The following TMC1 variants were observed in gnomAD, a reference collection of about 807,000 sequenced individuals.
The protein encoded by TMC1 is transmembrane channel like 1, also known as transmembrane channel-like protein 1.
TMC1 carries 84 observed loss-of-function variants against 105.8 expected under a neutral mutation model. The observed-to-expected ratio is 0.79, with a 90% CI of 0.67 to 0.95. The LOEUF (loss-of-function observed/expected upper bound fraction) is 0.95. Ranked by LOEUF, TMC1 falls within the 40% of genes least tolerant of loss-of-function variation. TMC1 has a pLI of 0.00. For missense variants in TMC1, 817 were observed against 914.1 expected (o/e 0.89, Z 1.37); for synonymous variants, 315 against 311.5 (o/e 1.01, Z -0.12).
chr9:72,609,494 C>G (rs370064605), intron 2 of TMC1, among the ~76,000 whole-genome samples: 2 of 152,204 alleles, frequency 1.3e-5, no homozygotes. Flanking sequence ...GAGCCGAGAT[C>G]GTTCCACTGC....
intron 2 of TMC1, among the ~76,000 whole-genome samples, chr9:72,588,221 T>A (rs1446842222): frequency 6.6e-6 from 1 of 152,190 alleles, no homozygotes; most frequent in Non-Finnish European, 1.5e-5. Context: ...TTCACTCCTG[T>A]CACTTTGCTT....
intron 5 of TMC1, among the ~76,000 whole-genome samples, chr9:72,656,898 T>C (rs535576679): frequency 6.6e-6 from 1 of 152,350 alleles, no homozygotes; most frequent in East Asian, 1.9e-4. Flanking sequence ...ATCTAGGAAA[T>C]AGCCCTCTGA....
chr9:72,762,807 G>A (rs925016824), intron 12 of TMC1, among the ~76,000 whole-genome samples: 37 of 152,252 alleles, frequency 2.4e-4, no homozygotes, highest in African/African-American at 8.4e-4. Flanking sequence ...GTATCAAAGG[G>A]CTCTGTCCCT....
intron 6 of TMC1, 93 bp downstream of exon 6, chr9:72,688,849 T>C: frequency 9.5e-7 from 1 of 1,057,172 alleles, no homozygotes; most frequent in Non-Finnish European, 1.4e-6. Context: ...CTACCATATG[T>C]AAGCAGAAGT....
chr9:72,560,879 T>C (rs1032392595), intron 1 of TMC1, among the ~76,000 whole-genome samples: 1 of 152,166 alleles, frequency 6.6e-6, no homozygotes, highest in African/African-American at 2.4e-5. Context: ...TCATTATAAT[T>C]ATTTTATTTT....
At chr9:72,761,990 A>T (rs772131190) in intron 12 of TMC1, among the ~76,000 whole-genome samples, 2 of 152,172 alleles carry the variant, frequency 1.3e-5, no homozygotes, top group Non-Finnish European at 2.9e-5. Context: ...ATTATGTTAC[A>T]TGCAGGAGAT....
chr9:72,696,507 G>T (rs1826553326), intron 7 of TMC1, among the ~76,000 whole-genome samples: 2 of 152,050 alleles, frequency 1.3e-5, no homozygotes, highest in African/African-American at 4.8e-5. Context: ...GAAAATCTTA[G>T]ATAATATTTT....
chr9:72,554,588 A>C (rs975961590), intron 1 of TMC1, among the ~76,000 whole-genome samples: 1 of 152,216 alleles, frequency 6.6e-6, no homozygotes. Flanking sequence ...GTAACAGTGC[A>C]CTGAGAAGCA....
At chr9:72,708,774 T>C (rs1473867041) in intron 8 of TMC1, among the ~76,000 whole-genome samples, 3 of 152,144 alleles carry the variant, frequency 2.0e-5, no homozygotes, top group African/African-American at 7.2e-5. Flanking sequence ...CGTGTCTGAT[T>C]GGTCTGGCTA....
intron 1 of TMC1, among the ~76,000 whole-genome samples, chr9:72,525,033 G>A (rs937633453): frequency 4.6e-5 from 7 of 152,282 alleles, no homozygotes; most frequent in African/African-American, 1.4e-4. Flanking sequence ...AGAAAGATAC[G>A]GTCCAGAAGG....
intron 13 of TMC1, among the ~76,000 whole-genome samples, chr9:72,778,406 T>C (rs759777513): frequency 3.3e-5 from 5 of 152,080 alleles, no homozygotes; most frequent in Non-Finnish European, 5.9e-5. Context: ...TGGCTCCGAG[T>C]GTCTCCTAAG....
intron 20 of TMC1, among the ~76,000 whole-genome samples, chr9:72,822,805 C>T (rs975897266): frequency 6.6e-6 from 1 of 152,098 alleles, no homozygotes. Flanking sequence ...TAAAACATAG[C>T]AAAGGACCCT....
At chr9:72,598,977 A>G (rs1824763651) in intron 2 of TMC1, among the ~76,000 whole-genome samples, 1 of 152,208 alleles carries the variant, frequency 6.6e-6, no homozygotes, top group African/African-American at 2.4e-5. Context: ...TTTGTAGGAA[A>G]GGCTTGGCTT....
chr9:72,751,801 G>A (rs1370783610), intron 10 of TMC1, 49 bp from the exon 11 acceptor site: 2 of 1,228,352 alleles, frequency 1.6e-6, no homozygotes, highest in Admixed American at 1.7e-5. Flanking sequence ...CTTTTTGTTT[G>A]TTTGTTTGCT....
At chr9:72,770,718 C>A (rs1225825526) in intron 12 of TMC1, among the ~76,000 whole-genome samples, 4 of 152,000 alleles carry the variant, frequency 2.6e-5, no homozygotes, top group Non-Finnish European at 5.9e-5. Context: ...AGCTGGAGAT[C>A]CAGAGAAACC....
intron 1 of TMC1, among the ~76,000 whole-genome samples, chr9:72,576,787 C>T (rs1408133263): frequency 1.3e-5 from 2 of 152,044 alleles, no homozygotes; most frequent in East Asian, 3.9e-4. Context: ...CGCCACCACA[C>T]CCAGCTAATT....
chr9:72,650,285 A>G (rs944921085), intron 5 of TMC1, among the ~76,000 whole-genome samples: 2 of 152,184 alleles, frequency 1.3e-5, no homozygotes, highest in African/African-American at 2.4e-5. Flanking sequence ...CTTGGGCTTC[A>G]TAAGAATGGA....
At chr9:72,789,908 C>T (rs899023774) in intron 15 of TMC1, among the ~76,000 whole-genome samples, 2 of 152,160 alleles carry the variant, frequency 1.3e-5, no homozygotes, top group African/African-American at 2.4e-5. Flanking sequence ...TGTCCTGTAC[C>T]TTACTTTCTC....
At chr9:72,575,907 T>TCA (rs34081096) in intron 1 of TMC1, among the ~76,000 whole-genome samples, 8,644 of 151,074 alleles carry the variant, frequency 0.057, 322 homozygotes, top group East Asian at 0.1. Flanking sequence ...GAAACTGGGC[T>TCA]CACACACACA....
Sources: gnomAD v4.1 joint callset for allele counts (sites outside exome capture counted in the v4.1 genomes callset) on GRCh38, gnomAD v4.1.1 for gene constraint, MANE v1.5 for transcripts, NCBI Gene and HGNC (gene_info 2026-07-23, HGNC 2026-07-21) for gene names.